The following PDGFC variants were observed in gnomAD, a reference collection of about 807,000 sequenced individuals.
The protein encoded by PDGFC is platelet-derived growth factor C.
In PDGFC, 12 loss-of-function variants were observed where a neutral mutation model predicts 35.5. The ratio of observed to expected loss-of-function variants is 0.34; its 90% confidence interval spans 0.22 to 0.55. The LOEUF (loss-of-function observed/expected upper bound fraction) is 0.55. PDGFC is among the 20% of genes least tolerant of loss of function. PDGFC has a pLI of 0.91. For missense variants in PDGFC, 322 were observed against 412.4 expected (o/e 0.78, Z 1.90); for synonymous variants, 159 against 148.8 (o/e 1.07, Z -0.50).
chr4:156,877,439 T>C (rs902513664), intron 1 of PDGFC, among the ~76,000 whole-genome samples: 2 of 152,150 alleles, frequency 1.3e-5, no homozygotes, highest in African/African-American at 2.4e-5. Context: ...TAATTGTAAG[T>C]CAATCGTGAA....
intron 2 of PDGFC, among the ~76,000 whole-genome samples, chr4:156,812,453 A>G (rs528540014): frequency 3.9e-5 from 6 of 152,254 alleles, no homozygotes; most frequent in African/African-American, 1.4e-4. Context: ...TATGAATTGC[A>G]TTTCAGAATA....
chr4:156,932,779 G>A (rs958375518), intron 1 of PDGFC, among the ~76,000 whole-genome samples: 2 of 150,870 alleles, frequency 1.3e-5, no homozygotes, highest in Non-Finnish European at 2.9e-5. Context: ...ATAGCATTAG[G>A]AGATATATCT....
In PDGFC at chr4:156,850,214, C is replaced by A; in HGVS notation, c.314+7G>T. On this transcript the variant is annotated splice_region_variant and intron_variant, in intron 2 of 5. Transcript: ENST00000502773. The stretch of plus-strand genomic sequence containing the variant: ...ACATTGTTGGGATTTCAAGTATGAT[C>A]ACTTACTTGCATATGTCATCTTCTG... The A allele has an allele frequency of 6.9e-7, 1 of 1,455,828 alleles. No individual in the cohort carries two copies. The allele number at this position is 1,455,828 out of a possible 1,614,324, so 90.2% of individuals were successfully genotyped here. A position where few individuals can be genotyped will look rare whatever the true frequency, so the allele number is the denominator to read the frequency against.
intron 1 of PDGFC, among the ~76,000 whole-genome samples, chr4:156,875,806 C>G (rs886436257): frequency 6.6e-6 from 1 of 152,052 alleles, no homozygotes; most frequent in African/African-American, 2.4e-5. Context: ...TAATCTGAAC[C>G]TGGGAGGCAG....
chr4:156,925,228 CA>C (rs1360777843), intron 1 of PDGFC, among the ~76,000 whole-genome samples: 1 of 152,092 alleles, frequency 6.6e-6, no homozygotes, highest in African/African-American at 2.4e-5. Context: ...AGGTAAAGGC[CA>C]GATCACCAAA....
At chr4:156,814,148 C>T (rs1040740721) in intron 2 of PDGFC, among the ~76,000 whole-genome samples, 3 of 152,044 alleles carry the variant, frequency 2.0e-5, no homozygotes, top group Non-Finnish European at 4.4e-5. Flanking sequence ...TCCAGATTAT[C>T]TTCATTTACT....
At chr4:156,858,946 A>G (rs1729645634) in intron 1 of PDGFC, among the ~76,000 whole-genome samples, 1 of 152,124 alleles carries the variant, frequency 6.6e-6, no homozygotes, top group Non-Finnish European at 1.5e-5. Context: ...GAAAGTAGCT[A>G]CCTATTACTT....
chr4:156,878,450 A>T lies in PDGFC; in HGVS notation c.119-28034T>A, dbSNP rs1051544231. ...TTAAAAATTACAATTAACAAAGTCA[A>T]TCTAAATAACATAATTCCTTTGTTC... On this transcript the variant is annotated intron_variant, in intron 1 of 5. Transcript: ENST00000502773. Among the ~76,000 whole-genome samples the T allele has an allele frequency of 1.1e-4, 16 of 152,242 alleles. 1 individual carries two copies.
intron 1 of PDGFC, among the ~76,000 whole-genome samples, chr4:156,910,663 T>C (rs183497881): frequency 1.2e-4 from 18 of 152,142 alleles, no homozygotes; most frequent in African/African-American, 4.3e-4. Context: ...ACCAGTGACA[T>C]ATGGGAGATC....
intron 1 of PDGFC, among the ~76,000 whole-genome samples, chr4:156,927,733 A>G (rs902662936): frequency 1.3e-5 from 2 of 152,080 alleles, no homozygotes; most frequent in African/African-American, 4.8e-5. Flanking sequence ...GGGAGTCCCA[A>G]ACTTTGCCAT....
rs184758324 is a variant in PDGFC at position 156,833,083 on chromosome 4, A to G, written c.314+17138T>C. ...TGGTGAATTTCTGAAGGCAAATATC[A>G]ACTTTTGAAGTTTCTTGGCAGTGGG... On this transcript the variant is annotated intron_variant, in intron 2 of 5. Coordinates refer to ENST00000502773, the MANE Select transcript of PDGFC (RefSeq NM_016205.3). Among the ~76,000 whole-genome samples, 1,353 of 152,316 alleles carry G rather than the reference A, an allele frequency of 8.9e-3. 18 individuals carry two copies. The highest frequency in any genetic ancestry group is 0.013 in the Non-Finnish European group (891 of 68,020).
intron 1 of PDGFC, among the ~76,000 whole-genome samples, chr4:156,896,130 T>C (rs1280864177): frequency 1.3e-5 from 2 of 152,194 alleles, no homozygotes; most frequent in African/African-American, 4.8e-5. Context: ...TCAAACATAA[T>C]GTACCTCTTT....
At chr4:156,856,062 T>G (rs1579058498) in intron 1 of PDGFC, among the ~76,000 whole-genome samples, 2 of 152,160 alleles carry the variant, frequency 1.3e-5, no homozygotes, top group Admixed American at 6.6e-5. Flanking sequence ...AGTATAATGA[T>G]GGGCTAGAGG....
At chr4:156,810,697 G>T in intron 3 of PDGFC, 140 bp downstream of exon 3, 2 of 616,026 alleles carry the variant, frequency 3.2e-6, no homozygotes, top group Non-Finnish European at 5.7e-6. Context: ...GCATGTAAGA[G>T]TTTTTATTTA....
rs528406075 is a variant in PDGFC, at chr4:156,948,887, C to T, written c.118+21899G>A. ...GGAGGCAGCATTTTGATCATTGCCCCGTATCCCCTGAGTAATGACAGCTCT... is the reference window on the plus strand; with the variant it reads ...GGAGGCAGCATTTTGATCATTGCCCTGTATCCCCTGAGTAATGACAGCTCT... On this transcript the variant is annotated intron_variant, in intron 1 of 5. Transcript: ENST00000502773. Among the ~76,000 whole-genome samples, 5 of 151,970 alleles carry T rather than the reference C, an allele frequency of 3.3e-5. No homozygotes were observed. The South Asian group carries it at 1.0e-3, about 32-fold the overall frequency.
intron 1 of PDGFC, among the ~76,000 whole-genome samples, chr4:156,852,469 T>C (rs905948509): frequency 7.2e-5 from 11 of 152,194 alleles, no homozygotes; most frequent in African/African-American, 2.7e-4. Flanking sequence ...CCTAAGTCCC[T>C]TTCCACCAAC....
intron 2 of PDGFC, among the ~76,000 whole-genome samples, chr4:156,812,218 A>T (rs942424499): frequency 6.6e-6 from 1 of 152,056 alleles, no homozygotes; most frequent in Non-Finnish European, 1.5e-5. Flanking sequence ...TAAAACAAAC[A>T]TATTCTTATT....
At chr4:156,838,961 G>A (rs964850474) in intron 2 of PDGFC, among the ~76,000 whole-genome samples, 1 of 152,224 alleles carries the variant, frequency 6.6e-6, no homozygotes, top group South Asian at 2.1e-4. Flanking sequence ...TATGGAAGCT[G>A]CGAAGGCCCT....
intron 1 of PDGFC, among the ~76,000 whole-genome samples, chr4:156,858,507 A>G (rs1424264305): frequency 6.6e-6 from 1 of 152,060 alleles, no homozygotes; most frequent in East Asian, 1.9e-4. Flanking sequence ...TGGCAATACT[A>G]TAAGTTTTTT....
Sources: gnomAD v4.1 joint callset for allele counts (sites outside exome capture counted in the v4.1 genomes callset) on GRCh38, gnomAD v4.1.1 for gene constraint, MANE v1.5 for transcripts, NCBI Gene and HGNC (gene_info 2026-07-23, HGNC 2026-07-21) for gene names.